The following CTNND1 variants were observed in gnomAD, a reference collection of about 807,000 sequenced individuals.
CTNND1 encodes catenin delta-1.
CTNND1 carries 16 observed loss-of-function variants against 112.1 expected under a neutral mutation model. That is an observed-to-expected ratio of 0.14 (90% CI 0.10 to 0.22). CTNND1 has a LOEUF of 0.22. CTNND1 is among the 10% of genes least tolerant of loss of function. The probability of loss-of-function intolerance (pLI) is 1.00; values close to 1 mark genes in which losing one functional copy is unlikely to be tolerated. For synonymous variants in CTNND1, 420 were observed against 446.5 expected (o/e 0.94, Z 0.75); for missense variants, 1,008 against 1,257.0 (o/e 0.80, Z 3.00).
At chr11:57,798,145 G>A (rs1193094510) in intron 6 of CTNND1, among the ~76,000 whole-genome samples, 4 of 151,944 alleles carry the variant, frequency 2.6e-5, no homozygotes, top group East Asian at 1.9e-4. Context: ...TCAGGAGATC[G>A]AGATCATCCT....
chr11:57,782,479 C>G (rs893513127), intron 1 of CTNND1, among the ~76,000 whole-genome samples: 2 of 152,080 alleles, frequency 1.3e-5, no homozygotes, highest in Non-Finnish European at 2.9e-5. Context: ...CCAGTGCAGA[C>G]GTGGTAGAAG....
intron 1 of CTNND1, among the ~76,000 whole-genome samples, chr11:57,787,895 A>C (rs1237610302): frequency 6.6e-6 from 1 of 152,238 alleles, no homozygotes. Flanking sequence ...TAGAGCCCTG[A>C]GTATTTTTCC....
intron 1 of CTNND1, among the ~76,000 whole-genome samples, chr11:57,779,956 A>G (rs1276216599): frequency 6.6e-6 from 1 of 152,176 alleles, no homozygotes; most frequent in Non-Finnish European, 1.5e-5. Context: ...GATAAGACCC[A>G]AAAGTCTAGC....
chr11:57,790,067 A>G (rs749162678), intron 2 of CTNND1, among the ~76,000 whole-genome samples: 10 of 152,132 alleles, frequency 6.6e-5, no homozygotes, highest in African/African-American at 9.7e-5. Context: ...GAAAGTAGAA[A>G]CGCCCTTTTA....
At chr11:57,769,239 C>T (rs768524259) in intron 1 of CTNND1, among the ~76,000 whole-genome samples, 3 of 151,796 alleles carry the variant, frequency 2.0e-5, no homozygotes, top group Non-Finnish European at 2.9e-5. Context: ...CGCTTGAACC[C>T]GGGACCCGGG....
chr11:57,772,810 C>G (rs749402647), intron 1 of CTNND1, among the ~76,000 whole-genome samples: 129 of 152,166 alleles, frequency 8.5e-4, no homozygotes, highest in Non-Finnish European at 1.7e-3. Flanking sequence ...CTCTCTCTCT[C>G]TGTCTCGCTC....
At chr11:57,772,035 C>T (rs1952779748) in intron 1 of CTNND1, among the ~76,000 whole-genome samples, 1 of 151,798 alleles carries the variant, frequency 6.6e-6, no homozygotes, top group Admixed American at 6.6e-5. Flanking sequence ...CATCCTCCCA[C>T]CTCAGCCTCC....
Position 57,802,196 on chromosome 11 carries a change from G to A in CTNND1, c.1420G>A (p.Gly474Arg), listed in dbSNP as rs2137126960. ...RDMDLTEVIT[G>R]TLWNLSSHDS... ...TATGGACCTTACTGAAGTTATTACC[G>A]GTGAGTTCTAGGCCTAAGGAAAATT... Residue 474 changes from glycine to arginine, a missense_variant and splice_region_variant, in exon 7 of 21, where the codon GGA becomes AGA. By Grantham distance (125) the Gly-to-Arg change is moderately radical. This residue lies in a region of CTNND1 where 216 missense variants were observed against 342.8 expected (regional missense o/e 0.63). Coordinates refer to ENST00000399050, the MANE Select transcript of CTNND1 (RefSeq NM_001085458.2). 2 of 1,607,166 alleles carry A rather than the reference G, an allele frequency of 1.2e-6. No homozygotes were observed. The highest frequency in any genetic ancestry group is 1.7e-6 in the Non-Finnish European group (2 of 1,175,816).
rs755730641 is a variant in CTNND1 at position 57,794,124 on chromosome 11, T to A, written c.267+43T>A. 2.4e-5 allele frequency: 37 copies of A among 1,564,034 alleles called. No individual in the cohort carries two copies. In the East Asian group the frequency reaches 8.1e-4, roughly 34 times the overall value. On this transcript the variant is annotated intron_variant, in intron 4 of 20. Transcript: ENST00000399050. ...GACCTGGGTTGCTTCATTCATATTT[T>A]CTTATTTCCCCAGCCTATAAGAGCA... is the stretch of plus-strand genomic sequence containing the variant.
intron 6 of CTNND1, among the ~76,000 whole-genome samples, chr11:57,798,569 G>T (rs151319432): frequency 1.3e-5 from 2 of 152,224 alleles, no homozygotes; most frequent in African/African-American, 4.8e-5. Flanking sequence ...CCTTGGGTGG[G>T]GGTCGGGGGA....
chr11:57,818,293 C>T lies in CTNND1; in HGVS notation c.*1985C>T, dbSNP rs1185179916. ...TCTTTTGTTTATAAAAAACACTAAA[C>T]ATTCAATTCCAGAGAACCAAAAATC... On this transcript the variant is annotated 3_prime_UTR_variant, in exon 21 of 21. Transcript: ENST00000399050. 6.6e-6 allele frequency: 1 copy of T among 152,358 alleles called. No homozygotes were observed. The highest frequency in any genetic ancestry group is 2.4e-5 in the African/African-American group (1 of 41,354). The allele number at this position is 152,358 out of a possible 1,614,324, so 9.4% of individuals were successfully genotyped here.
chr11:57,784,588 T>C (rs1219115753), intron 1 of CTNND1, among the ~76,000 whole-genome samples: 1 of 152,016 alleles, frequency 6.6e-6, no homozygotes, highest in Non-Finnish European at 1.5e-5. Context: ...ACTGAAACTT[T>C]TGTCTCTTGA....
At chr11:57,806,099 C>T in intron 10 of CTNND1, 64 bp downstream of exon 10, 1 of 1,529,406 alleles carries the variant, frequency 6.5e-7, no homozygotes, top group Non-Finnish European at 8.8e-7. Flanking sequence ...AACACTTTAG[C>T]TTAAGGTACA....
At chr11:57,762,820 A>C (rs1194793550) in intron 1 of CTNND1, among the ~76,000 whole-genome samples, 3 of 152,208 alleles carry the variant, frequency 2.0e-5, no homozygotes, top group Non-Finnish European at 2.9e-5. Context: ...GGTGTTTGTT[A>C]AATCTGCAAA....
intron 17 of CTNND1, 167 bp from the exon 18 acceptor site, chr11:57,814,144 A>T: frequency 3.3e-6 from 2 of 597,346 alleles, no homozygotes; most frequent in South Asian, 1.9e-5. Context: ...GTGAGACCTC[A>T]TCTCTACAAA....
At chr11:57,766,205 G>C (rs1349917703) in intron 1 of CTNND1, among the ~76,000 whole-genome samples, 5 of 152,184 alleles carry the variant, frequency 3.3e-5, no homozygotes, top group Non-Finnish European at 7.3e-5. Flanking sequence ...TTTTCTAGGG[G>C]AGAGTATATT....
chr11:57,771,125 A>G (rs987667138), intron 1 of CTNND1, among the ~76,000 whole-genome samples: 1 of 152,202 alleles, frequency 6.6e-6, no homozygotes, highest in Non-Finnish European at 1.5e-5. Context: ...ATAGAAAAAG[A>G]AAAGAAAGTT....
intron 12 of CTNND1, 113 bp downstream of exon 12, chr11:57,807,096 C>G: frequency 1.2e-6 from 1 of 859,292 alleles, no homozygotes; most frequent in Non-Finnish European, 1.8e-6. Context: ...TCTTTTCCAA[C>G]TTACAGATTT....
intron 1 of CTNND1, among the ~76,000 whole-genome samples, chr11:57,777,321 T>G (rs1401326264): frequency 6.6e-6 from 1 of 151,730 alleles, no homozygotes; most frequent in African/African-American, 2.4e-5. Context: ...CAGGCTGGAG[T>G]GTAGTGGCAT....
Sources: allele counts gnomAD v4.1 joint callset (sites outside exome capture counted in the v4.1 genomes callset), GRCh38; gene constraint gnomAD v4.1.1; regional missense constraint gnomAD v4.1.1; transcripts MANE v1.5; gene names NCBI Gene and HGNC (gene_info 2026-07-23, HGNC 2026-07-21).